The following CRB1 variants were observed in gnomAD, a reference collection of about 807,000 sequenced individuals.
CRB1 encodes the protein protein crumbs homolog 1.
A neutral mutation model predicts 120.0 loss-of-function variants in CRB1; 83 were observed. That is an observed-to-expected ratio of 0.69 (90% CI 0.58 to 0.83). The LOEUF (loss-of-function observed/expected upper bound fraction) is 0.83, where lower values mean the gene tolerates loss of function less well. CRB1 is among the 40% of genes least tolerant of loss of function. The pLI is 0.00. For synonymous variants in CRB1, 625 were observed against 612.5 expected (o/e 1.02, Z -0.30); for missense variants, 1,699 against 1,687.6 (o/e 1.01, Z -0.12).
Position 197,356,872 on chromosome 1 carries a change from A to G in CRB1, c.1030A>G (p.Asn344Asp), listed in dbSNP as rs747565495. The G allele has an allele frequency of 1.2e-6, 2 of 1,614,110 alleles. No homozygotes were observed. The highest frequency in any genetic ancestry group is 1.3e-5 in the African/African-American group (1 of 74,934). ...AQCEIDLNEC[N>D]SNPCQSNGEC... ...GTGTGAGATCGACCTCAATGAATGC[A>G]ATAGTAACCCCTGCCAGTCCAATGG... The change falls in exon 5 of 12, where the codon AAT becomes GAT. Residue 344 changes from asparagine (N) to aspartate (D), a missense_variant. Physicochemically the swap from Asn to Asp is conservative, Grantham distance 23. Coordinates refer to ENST00000367400, the MANE Select transcript of CRB1 (RefSeq NM_201253.3).
At chr1:197,388,643 T>C (rs896339932) in intron 5 of CRB1, among the ~76,000 whole-genome samples, 13 of 152,096 alleles carry the variant, frequency 8.5e-5, no homozygotes, top group Non-Finnish European at 1.0e-4. Flanking sequence ...ATAAGATGGC[T>C]ATGGAAGAGT....
In CRB1 at chr1:197,321,262, T is replaced by C. The variant is rs550132503; in HGVS notation, c.71-7160T>C. Among the ~76,000 whole-genome samples, 6 of 152,364 alleles carry C rather than the reference T, an allele frequency of 3.9e-5. 1 individual carries two copies. Among genetic ancestry groups the C allele is most frequent in the African/African-American group, 1.4e-4 (6 of 41,592 alleles). Reference sequence around the variant, plus strand: ...CACTGGGCAAGGAGCCATTCATAAATTCTTGAAAAATCTTATCCAGACCAA... The same window carrying C: ...CACTGGGCAAGGAGCCATTCATAAACTCTTGAAAAATCTTATCCAGACCAA... On this transcript the variant is annotated intron_variant, in intron 1 of 11. Coordinates refer to ENST00000367400, the MANE Select transcript of CRB1 (RefSeq NM_201253.3).
intron 11 of CRB1, among the ~76,000 whole-genome samples, chr1:197,471,761 T>A (rs898898960): frequency 1.3e-5 from 2 of 152,112 alleles, no homozygotes; most frequent in African/African-American, 4.8e-5. Flanking sequence ...AAAAACAGAG[T>A]TTTGGCACAT....
At chr1:197,304,948 A>G (rs1385533424) in intron 1 of CRB1, among the ~76,000 whole-genome samples, 2 of 152,166 alleles carry the variant, frequency 1.3e-5, no homozygotes, top group African/African-American at 4.8e-5. Flanking sequence ...TTTGTATTCG[A>G]CAATTCCAGC....
intron 9 of CRB1, among the ~76,000 whole-genome samples, chr1:197,436,814 C>T (rs1665183214): frequency 6.6e-6 from 1 of 152,126 alleles, no homozygotes; most frequent in Admixed American, 6.6e-5. Flanking sequence ...TAATAAGGCA[C>T]AGACCACTGC....
At chr1:197,302,400 TTG>T (rs1453098531) in intron 1 of CRB1, among the ~76,000 whole-genome samples, 1 of 152,214 alleles carries the variant, frequency 6.6e-6, no homozygotes, top group African/African-American at 2.4e-5. Context: ...ACCAAAAATA[TTG>T]TGTGTCTCAT....
At chr1:197,205,548 AT>A in the CRB1 span, among the ~76,000 whole-genome samples, 2 of 152,172 alleles carry the variant, frequency 1.3e-5, no homozygotes, top group Non-Finnish European at 2.9e-5. Context: ...GGTGTATCAC[AT>A]TTATTGACTT....
At position 197,435,464 on chromosome 1, in the gene CRB1, A is replaced by T; in HGVS notation, c.3601A>T (p.Thr1201Ser). The part of the protein sequence containing the change: ...CSDRVAAYHC[T>S]CEPGYTGVNC... ...TGACAGAGTTGCAGCCTACCACTGC[A>T]CATGTGAGCCTGGATACACTGGTGT... Residue 1201 changes from threonine (T) to serine (S), a missense_variant, in exon 9 of 12, where the codon ACA becomes TCA. Coordinates refer to ENST00000367400, the MANE Select transcript of CRB1 (RefSeq NM_201253.3). 6.3e-7 allele frequency: 1 copy of T among 1,598,358 alleles called. No individual in the cohort carries two copies. Among genetic ancestry groups the T allele is most frequent in the Non-Finnish European group, 8.5e-7 (1 of 1,171,790 alleles).
chr1:197,403,719 T>C (rs564019244), intron 5 of CRB1, among the ~76,000 whole-genome samples: 1 of 152,150 alleles, frequency 6.6e-6, no homozygotes, highest in Non-Finnish European at 1.5e-5. Context: ...TGCTGCCAGA[T>C]CATCCTAACT....
At chr1:197,357,359 C>T (rs1660544419) in intron 5 of CRB1, 1 of 341,632 alleles carries the variant, frequency 2.9e-6, no homozygotes, top group Non-Finnish European at 5.5e-6. Context: ...TTATGTTATT[C>T]AAATTTGCTA....
intron 1 of CRB1, among the ~76,000 whole-genome samples, chr1:197,299,582 A>G (rs1009745404): frequency 6.6e-6 from 1 of 152,132 alleles, no homozygotes; most frequent in Non-Finnish European, 1.5e-5. Flanking sequence ...TTCATACAGC[A>G]AAAAACTTGA....
At position 197,478,133 on chromosome 1, in the gene CRB1, T is replaced by C. The variant is rs1166661849; in HGVS notation, c.*254T>C. 4 of 501,936 alleles carry C rather than the reference T, an allele frequency of 8.0e-6. No individual in the cohort carries two copies. The highest frequency in any genetic ancestry group is 1.4e-5 in the Non-Finnish European group (4 of 276,502). The allele number at this position is 501,936 out of a possible 1,614,324, so 31.1% of individuals were successfully genotyped here. A position where few individuals can be genotyped will look rare whatever the true frequency, so the allele number is the denominator to read the frequency against. On this transcript the variant is annotated 3_prime_UTR_variant, in exon 12 of 12. Transcript: ENST00000367400. ...AGCCTTATAATTAGCAAAAACATCT[T>C]CCAGAGAATAAAGTCTTCTGTGGCT...
chr1:197,414,561 G>A (rs974516440), intron 5 of CRB1, among the ~76,000 whole-genome samples: 4 of 152,156 alleles, frequency 2.6e-5, no homozygotes, highest in South Asian at 2.1e-4. Flanking sequence ...AGTAAAATGA[G>A]GTGACAGTTT....
chr1:197,276,600 AG>A (rs1370784736), intron 1 of CRB1, among the ~76,000 whole-genome samples: 2 of 151,850 alleles, frequency 1.3e-5, no homozygotes, highest in African/African-American at 4.8e-5. Flanking sequence ...AGAAAGCAAA[AG>A]ATGAGTAACA....
At chr1:197,454,434 A>C (rs371903139) in intron 11 of CRB1, among the ~76,000 whole-genome samples, 119 of 152,270 alleles carry the variant, frequency 7.8e-4, no homozygotes, top group African/African-American at 2.6e-3. Context: ...TACATTATTA[A>C]GATTTCTGCT....
the CRB1 span, among the ~76,000 whole-genome samples, chr1:197,237,943 A>G: frequency 6.6e-6 from 1 of 152,154 alleles, no homozygotes; most frequent in Middle Eastern, 3.4e-3. Flanking sequence ...AGCTTCAATT[A>G]TGGATTTGAG....
chr1:197,360,790 A>G (rs976665558), intron 5 of CRB1, among the ~76,000 whole-genome samples: 13 of 152,184 alleles, frequency 8.5e-5, no homozygotes, highest in South Asian at 2.1e-4. Flanking sequence ...TACAATATAC[A>G]TGCTGTTTAT....
At chr1:197,312,892 A>G (rs1254479210) in intron 1 of CRB1, among the ~76,000 whole-genome samples, 1 of 152,092 alleles carries the variant, frequency 6.6e-6, no homozygotes, top group Non-Finnish European at 1.5e-5. Context: ...AATCCCTTTC[A>G]ACAGTATTTT....
intron 11 of CRB1, among the ~76,000 whole-genome samples, chr1:197,466,782 G>A (rs1206471086): frequency 6.6e-6 from 1 of 152,212 alleles, no homozygotes; most frequent in Non-Finnish European, 1.5e-5. Context: ...TGAATTAATA[G>A]CAGCTTTTAA....
Sources: allele counts gnomAD v4.1 joint callset (sites outside exome capture counted in the v4.1 genomes callset), GRCh38; gene constraint gnomAD v4.1.1; transcripts MANE v1.5; gene names NCBI Gene and HGNC (gene_info 2026-07-23, HGNC 2026-07-21).